Variants in ZFPM2 observed in about 807,000 individuals in gnomAD.
The protein encoded by ZFPM2 is zinc finger protein ZFPM2.
ZFPM2 carries 20 observed loss-of-function variants against 98.6 expected under a neutral mutation model. The observed-to-expected ratio is 0.20, with a 90% CI of 0.14 to 0.29. The LOEUF (loss-of-function observed/expected upper bound fraction) is 0.29. Ranked by LOEUF, ZFPM2 falls within the 10% of genes least tolerant of loss-of-function variation. The pLI is 1.00. For missense variants in ZFPM2, 1,310 were observed against 1,388.6 expected (o/e 0.94, Z 0.90); for synonymous variants, 518 against 502.7 (o/e 1.03, Z -0.41).
At chr8:105,773,658 G>GATAAATAAAATAAAA (rs1376083772) in intron 5 of ZFPM2, among the ~76,000 whole-genome samples, 1 of 148,288 alleles carries the variant, frequency 6.7e-6, no homozygotes, top group African/African-American at 2.5e-5. Context: ...AGAGAAAAAA[G>GATAAATAAAATAAAA]ATAAATAAAA....
chr8:105,754,971 TG>T (rs1812564422), intron 5 of ZFPM2, among the ~76,000 whole-genome samples: 1 of 151,170 alleles, frequency 6.6e-6, no homozygotes, highest in Admixed American at 6.6e-5. Context: ...TGTGTGTGTG[TG>T]TGTGTGTGTG....
At chr8:105,471,624 T>C (rs571989746) in intron 3 of ZFPM2, among the ~76,000 whole-genome samples, 14 of 152,250 alleles carry the variant, frequency 9.2e-5, no homozygotes, top group African/African-American at 3.4e-4. Flanking sequence ...CTCAGAACAT[T>C]GGGGTTTGAG....
At position 105,524,470 on chromosome 8, in the gene ZFPM2, A is replaced by ATG. The variant is rs957137998; in HGVS notation, c.302-36879_302-36878dup. ...CATTCTTGGGTGTGTGTGTGTGTGT[A>ATG]TGTGTGTGTGTGTGTTTCTCTCTCT... On this transcript the variant is annotated intron_variant, in intron 3 of 7. Coordinates refer to ENST00000407775, the MANE Select transcript of ZFPM2 (RefSeq NM_012082.4). Among the ~76,000 whole-genome samples, 12 of 150,624 alleles carry ATG rather than the reference A, an allele frequency of 8.0e-5. 1 individual carries two copies. Among genetic ancestry groups the ATG allele is most frequent in the South Asian group, 4.2e-4 (2 of 4,754 alleles).
Position 105,531,872 on chromosome 8 carries a change from C to T in ZFPM2, c.302-29491C>T, listed in dbSNP as rs779553562. Among the ~76,000 whole-genome samples the T allele has an allele frequency of 9.2e-5, 14 of 152,066 alleles. 1 individual carries two copies. The highest frequency in any genetic ancestry group is 2.0e-4 in the Admixed American group (3 of 15,250). On this transcript the variant is annotated intron_variant, in intron 3 of 7. Transcript: ENST00000407775. Reference sequence around the variant, plus strand: ...TACTGTAATGGGTCATTTAAAAATCCGAATCAATTACAGTTCCTGTTGATA... The same window carrying T: ...TACTGTAATGGGTCATTTAAAAATCTGAATCAATTACAGTTCCTGTTGATA...
At chr8:105,488,800 G>C in intron 3 of ZFPM2, among the ~76,000 whole-genome samples, 1 of 151,968 alleles carries the variant, frequency 6.6e-6, no homozygotes, top group Non-Finnish European at 1.5e-5. Context: ...CTGGCCCAAA[G>C]TAAAAGAATT....
intron 1 of ZFPM2, among the ~76,000 whole-genome samples, chr8:105,408,449 A>C (rs929833474): frequency 1.3e-5 from 2 of 151,792 alleles, no homozygotes; most frequent in Non-Finnish European, 2.9e-5. Flanking sequence ...ATTAGAGCGG[A>C]TTGAACATGT....
chr8:105,446,142 G>A (rs1450142268), intron 3 of ZFPM2, among the ~76,000 whole-genome samples: 8 of 152,046 alleles, frequency 5.3e-5, no homozygotes, highest in Non-Finnish European at 1.2e-4. Context: ...GGATGGTCTC[G>A]ATCTCCTGAC....
At chr8:105,783,629 G>T (rs1451170923) in intron 5 of ZFPM2, among the ~76,000 whole-genome samples, 1 of 152,076 alleles carries the variant, frequency 6.6e-6, no homozygotes, top group Non-Finnish European at 1.5e-5. Context: ...CATGTAAGTG[G>T]AATCATACAC....
intron 5 of ZFPM2, among the ~76,000 whole-genome samples, chr8:105,677,955 G>C (rs1249290153): frequency 1.3e-5 from 2 of 152,150 alleles, no homozygotes; most frequent in African/African-American, 4.8e-5. Flanking sequence ...TATTGGAGCT[G>C]CTCATAAGAT....
rs142230291 is a variant in ZFPM2, at chr8:105,429,445, A to AATATATATAT, written c.199+10154_199+10163dup. On this transcript the variant is annotated intron_variant, in intron 2 of 7. Coordinates refer to ENST00000407775, the MANE Select transcript of ZFPM2 (RefSeq NM_012082.4). ...AAAACGTGCACAAGTTAGACAAGGA[A>AATATATATAT]ATATATATATATATATATATGGAAA... Among the ~76,000 whole-genome samples, 24 of 138,394 alleles carry AATATATATAT rather than the reference A, an allele frequency of 1.7e-4. 4 individuals carry two copies. The highest frequency in any genetic ancestry group is 6.9e-4 in the African/African-American group (22 of 32,048). The allele number at this position is 138,394 out of a possible 152,430, so 90.8% of individuals were successfully genotyped here.
chr8:105,798,878 C>T lies in ZFPM2; in HGVS notation c.894C>T (p.Cys298=). Residue 298 remains cysteine, a synonymous_variant, in exon 7 of 8, where the codon TGC becomes TGT. Coordinates refer to ENST00000407775, the MANE Select transcript of ZFPM2 (RefSeq NM_012082.4). The part of the protein sequence containing the change: ...EDSAHQISSL[C]PFPQCTKSFS... ...GTGCCCATCAGATTTCCAGCCTGTG[C>T]CCCTTCCCACAGTGCACCAAGAGCT... 5 of 1,613,910 alleles carry T rather than the reference C, an allele frequency of 3.1e-6. No homozygotes were observed. The highest frequency in any genetic ancestry group is 3.4e-6 in the Non-Finnish European group (4 of 1,179,854).
chr8:105,654,463 A>G (rs1817244046), intron 5 of ZFPM2, among the ~76,000 whole-genome samples: 1 of 152,172 alleles, frequency 6.6e-6, no homozygotes, highest in East Asian at 1.9e-4. Flanking sequence ...CAAGGTTTAA[A>G]TCTGCAGACT....
intron 1 of ZFPM2, among the ~76,000 whole-genome samples, chr8:105,342,372 A>G (rs1812446420): frequency 6.6e-6 from 1 of 152,072 alleles, no homozygotes; most frequent in African/African-American, 2.4e-5. Flanking sequence ...TAGTTAGCAC[A>G]GTTGCTCTAG....
At chr8:105,438,650 G>A (rs1431496640) in intron 2 of ZFPM2, among the ~76,000 whole-genome samples, 1 of 152,148 alleles carries the variant, frequency 6.6e-6, no homozygotes, top group Non-Finnish European at 1.5e-5. Context: ...TGAGACATGA[G>A]TGTTGTTATG....
rs189501457 is a variant in ZFPM2, at chr8:105,801,036, T to C, written c.965-11T>C. On this transcript the variant is annotated splice_polypyrimidine_tract_variant and intron_variant, in intron 7 of 7. Transcript: ENST00000407775. ...TGTTTCTCATTGTTCTTATTTTGTA[T>C]GTCTCTCTAGGAGTGAAAATGGAAG... is the stretch of plus-strand genomic sequence containing the variant. 173 of 1,595,662 alleles carry C rather than the reference T, an allele frequency of 1.1e-4. No homozygotes were observed. In the East Asian group the frequency reaches 2.5e-3, roughly 23 times the overall value.
chr8:105,460,084 G>A (rs998875560), intron 3 of ZFPM2, among the ~76,000 whole-genome samples: 6 of 152,162 alleles, frequency 3.9e-5, no homozygotes, highest in African/African-American at 1.4e-4. Flanking sequence ...AAGCTGAGAT[G>A]TGAGTGTTGA....
At chr8:105,638,457 A>C (rs1288837023) in intron 5 of ZFPM2, among the ~76,000 whole-genome samples, 1 of 152,126 alleles carries the variant, frequency 6.6e-6, no homozygotes, top group Non-Finnish European at 1.5e-5. Flanking sequence ...GATGAAAATT[A>C]AATTCCTGAT....
chr8:105,441,452 G>GAAAGAA (rs1554604939), intron 2 of ZFPM2, among the ~76,000 whole-genome samples: 1 of 38,954 alleles, frequency 2.6e-5, no homozygotes, highest in Non-Finnish European at 4.3e-5. Context: ...GAGAGAGAGA[G>GAAAGAA]AGAAAGAAAG....
chr8:105,723,467 A>G (rs1288520565), intron 5 of ZFPM2, among the ~76,000 whole-genome samples: 2 of 151,862 alleles, frequency 1.3e-5, no homozygotes, highest in African/African-American at 4.8e-5. Context: ...AGACTATTTC[A>G]ACAATTCTGG....
Sources: gnomAD v4.1 joint callset for allele counts (sites outside exome capture counted in the v4.1 genomes callset) on GRCh38, gnomAD v4.1.1 for gene constraint, MANE v1.5 for transcripts, NCBI Gene and HGNC (gene_info 2026-07-23, HGNC 2026-07-21) for gene names.